PELI2: variants seen among roughly 807,000 people sequenced by gnomAD.
PELI2 encodes the protein E3 ubiquitin-protein ligase pellino homolog 2.
Under a neutral mutation model 42.3 loss-of-function variants are expected in PELI2, and 23 were observed. That is an observed-to-expected ratio of 0.54 (90% CI 0.39 to 0.77). The LOEUF is 0.77. PELI2 is among the 30% of genes least tolerant of loss of function. The pLI is 0.00. For synonymous variants in PELI2, 245 were observed against 212.2 expected, an observed-to-expected ratio of 1.15 and a Z score of -1.34; for missense variants, 463 against 553.2, an observed-to-expected ratio of 0.84 and a Z score of 1.64.
At chr14:56,240,204 C>T (rs1170892817) in intron 2 of PELI2, among the ~76,000 whole-genome samples, 5 of 152,190 alleles carry the variant, frequency 3.3e-5, no homozygotes, top group Middle Eastern at 3.4e-3. Context: ...CACCGCCACT[C>T]GGGTGCAGTG....
At position 56,288,247 on chromosome 14, in the gene PELI2, T is replaced by G. The variant is rs1299685601; in HGVS notation, c.310-190T>G. On this transcript the variant is annotated intron_variant, in intron 3 of 5. Transcript: ENST00000267460. The surrounding 1 kb of genome is among the most constrained non-coding windows in gnomAD (Gnocchi z 4.6). ...TAAAATTAAAAATAGGTATCTCTAATATTTGGTTACCCTAATATCTTCCCT... is the reference window on the plus strand; with the variant it reads ...TAAAATTAAAAATAGGTATCTCTAAGATTTGGTTACCCTAATATCTTCCCT... 6.6e-6 allele frequency among the ~76,000 whole-genome samples: 1 copy of G among 152,234 alleles called. No individual in the cohort carries two copies. The highest frequency in any genetic ancestry group is 1.5e-5 in the Non-Finnish European group (1 of 68,042).
rs1413811920 is a variant in PELI2 at position 56,296,733 on chromosome 14, T to G, written c.830T>G (p.Ile277Ser). The change falls in exon 6 of 6, where the codon ATT becomes AGT. Residue 277 changes from isoleucine (I) to serine (S), a missense_variant. By Grantham distance (142) the Ile-to-Ser change is moderately radical. Coordinates refer to ENST00000267460, the MANE Select transcript of PELI2 (RefSeq NM_021255.3). Reference sequence around the variant, plus strand: ...CACATAGAAGCCCTCCGGCAGGAGATTAACGCCGCCCGGCCTCAGTGTCCT... The same window carrying G: ...CACATAGAAGCCCTCCGGCAGGAGAGTAACGCCGCCCGGCCTCAGTGTCCT... Reference protein sequence around the residue: ...QKHIEALRQEINAARPQCPVG... With the variant: ...QKHIEALRQESNAARPQCPVG... 1 of 1,614,036 alleles carries G rather than the reference T, an allele frequency of 6.2e-7. No individual in the cohort carries two copies. Among genetic ancestry groups the G allele is most frequent in the East Asian group, 2.2e-5 (1 of 44,852 alleles).
chr14:56,249,003 T>G (rs564973711), intron 2 of PELI2, among the ~76,000 whole-genome samples: 29 of 152,212 alleles, frequency 1.9e-4, no homozygotes, highest in Admixed American at 3.3e-4. Flanking sequence ...GTGTTTGTGT[T>G]TCCGTTGGGC....
intron 1 of PELI2, chr14:56,144,816 C>T (rs1566604577): frequency 5.1e-6 from 1 of 194,900 alleles, no homozygotes. Flanking sequence ...TGCCCTGTAA[C>T]TCCAGCCCTG....
At chr14:56,122,027 T>C (rs1483210728) in intron 1 of PELI2, among the ~76,000 whole-genome samples, 1 of 152,188 alleles carries the variant, frequency 6.6e-6, no homozygotes, top group Admixed American at 6.5e-5. Context: ...TGTGTAAAAC[T>C]TTATGTTCCA....
chr14:56,236,063 A>T (rs1199353488), intron 2 of PELI2, among the ~76,000 whole-genome samples: 1 of 152,124 alleles, frequency 6.6e-6, no homozygotes, highest in Non-Finnish European at 1.5e-5. Flanking sequence ...AAAAATTATC[A>T]CTTTAAAAAT....
At chr14:56,295,950 G>A (rs1333056643) in intron 5 of PELI2, among the ~76,000 whole-genome samples, 5 of 152,348 alleles carry the variant, frequency 3.3e-5, no homozygotes, top group East Asian at 1.9e-4. Flanking sequence ...TGGAGGCAGC[G>A]GTCACGTTCT....
At chr14:56,196,149 C>T (rs540522124) in intron 2 of PELI2, among the ~76,000 whole-genome samples, 2 of 152,216 alleles carry the variant, frequency 1.3e-5, no homozygotes, top group Non-Finnish European at 2.9e-5. Context: ...AGGATTAATA[C>T]CAAATGAATT....
At chr14:56,218,723 G>A (rs1213438237) in intron 2 of PELI2, among the ~76,000 whole-genome samples, 1 of 151,076 alleles carries the variant, frequency 6.6e-6, no homozygotes, top group Non-Finnish European at 1.5e-5. Flanking sequence ...GTGTGTGTGT[G>A]TGTTTGAGAG....
intron 2 of PELI2, among the ~76,000 whole-genome samples, chr14:56,193,255 A>G (rs564786996): frequency 2.0e-5 from 3 of 152,304 alleles, no homozygotes; most frequent in South Asian, 4.1e-4. Context: ...GACAGAGGGT[A>G]GTGAGATGCC....
chr14:56,290,895 C>T (rs1463453519), intron 5 of PELI2, among the ~76,000 whole-genome samples: 4 of 152,152 alleles, frequency 2.6e-5, no homozygotes. Context: ...CTGGTTTTCC[C>T]TTTGAATTCC....
chr14:56,296,892 C>T lies in PELI2; in HGVS notation c.989C>T (p.Ala330Val). Residue 330 changes from alanine (A) to valine (V), a missense_variant, in exon 6 of 6, where the codon GCC (alanine) becomes GTC (valine). Physicochemically the swap from Ala to Val is moderately conservative, Grantham distance 64 (BLOSUM62 0). Around this residue, in one of 3 missense-constraint regions of PELI2, gnomAD observed 103 missense variants for 129.6 expected, o/e 0.80. Transcript: ENST00000267460. ...HNWGHRSDTE[A>V]NERECPMCRT... ...TGGGGCCATCGGAGTGACACGGAGG[C>T]CAACGAGAGGGAGTGTCCCATGTGC... 2 of 1,614,120 alleles carry T rather than the reference C, an allele frequency of 1.2e-6. No individual in the cohort carries two copies. Among genetic ancestry groups the T allele is most frequent in the Non-Finnish European group, 8.5e-7 (1 of 1,180,018 alleles).
At chr14:56,267,114 A>G (rs538296083) in intron 2 of PELI2, among the ~76,000 whole-genome samples, 1 of 152,226 alleles carries the variant, frequency 6.6e-6, no homozygotes, top group Admixed American at 6.5e-5. Flanking sequence ...TTCACTGGTA[A>G]CATTTAGTAA....
At chr14:56,246,062 T>C (rs1811293446) in intron 2 of PELI2, among the ~76,000 whole-genome samples, 1 of 152,100 alleles carries the variant, frequency 6.6e-6, no homozygotes, top group African/African-American at 2.4e-5. Flanking sequence ...ATGCCATAGA[T>C]CATATAAATC....
chr14:56,231,797 T>G (rs1385399765), intron 2 of PELI2, among the ~76,000 whole-genome samples: 1 of 152,058 alleles, frequency 6.6e-6, no homozygotes, highest in African/African-American at 2.4e-5. Context: ...AGAAAACCCT[T>G]CAATAAATCA....
rs557658658 is a variant in PELI2 at position 56,250,406 on chromosome 14, A to G, written c.208-29270A>G. 2.8e-4 allele frequency among the ~76,000 whole-genome samples: 42 copies of G among 152,282 alleles called. 1 individual carries two copies. In the South Asian group the frequency reaches 7.2e-3, roughly 26 times the overall value. On this transcript the variant is annotated intron_variant, in intron 2 of 5. Transcript: ENST00000267460. ...GAGTTTATTAGGGGAATTGACTCAC[A>G]TCATCACAAGGTGAAGTCCCACAAT...
At chr14:56,282,997 A>G (rs1221966590) in intron 3 of PELI2, among the ~76,000 whole-genome samples, 1 of 152,226 alleles carries the variant, frequency 6.6e-6, no homozygotes, top group African/African-American at 2.4e-5. Flanking sequence ...ACTTAAATTC[A>G]AAAACTACTG....
At chr14:56,277,084 C>T (rs1466835529) in intron 2 of PELI2, among the ~76,000 whole-genome samples, 2 of 152,110 alleles carry the variant, frequency 1.3e-5, no homozygotes, top group Non-Finnish European at 2.9e-5. Flanking sequence ...CAACTTGCAG[C>T]CTATAAAATG....
At chr14:56,140,974 T>C (rs1184760818) in intron 1 of PELI2, among the ~76,000 whole-genome samples, 1 of 152,142 alleles carries the variant, frequency 6.6e-6, no homozygotes, top group Non-Finnish European at 1.5e-5. Context: ...CTTTTTCCCC[T>C]CGTACTCTAT....
Sources: gnomAD v4.1 joint callset for allele counts (sites outside exome capture counted in the v4.1 genomes callset) on GRCh38, gnomAD v4.1.1 for gene constraint, gnomAD v4.1.1 regional missense constraint, Gnocchi (gnomAD v3.1) non-coding constraint, MANE v1.5 for transcripts, NCBI Gene and HGNC (gene_info 2026-07-23, HGNC 2026-07-21) for gene names.